Variants in DUXA observed in about 807,000 individuals in gnomAD.
The protein encoded by DUXA is double homeobox protein A.
Under a neutral mutation model 27.5 loss-of-function variants are expected in DUXA, and 25 were observed. That is an observed-to-expected ratio of 0.91 (90% CI 0.66 to 1.27). The LOEUF is 1.27. Ranked by LOEUF, DUXA falls within the 50% of genes most tolerant of loss-of-function variation. DUXA has a pLI of 0.00. For missense variants in DUXA, 247 were observed against 242.9 expected, an observed-to-expected ratio of 1.02 and a Z score of -0.11; for synonymous variants, 90 against 80.5, an observed-to-expected ratio of 1.12 and a Z score of -0.63.
chr19:57,154,765 G>A (rs10422082), intron 5 of DUXA, among the ~76,000 whole-genome samples: 33,319 of 151,696 alleles, frequency 0.22, 4,385 homozygotes, highest in African/African-American at 0.36. Context: ...GGGTTTCACC[G>A]TGTTAGCCAG....
chr19:57,158,663 C>T (rs891983279), intron 3 of DUXA, among the ~76,000 whole-genome samples, 190 bp from the exon 4 acceptor site: 1 of 152,080 alleles, frequency 6.6e-6, no homozygotes, highest in Non-Finnish European at 1.5e-5. Context: ...GATGATATGT[C>T]TGGGCTTCTG....
chr19:57,154,683 C>T (rs1471675439), intron 5 of DUXA, among the ~76,000 whole-genome samples: 3 of 151,976 alleles, frequency 2.0e-5, no homozygotes, highest in Non-Finnish European at 4.4e-5. Flanking sequence ...CCTGCCTCAG[C>T]CTCCCGAGTA....
chr19:57,160,859 G>C, intron 1 of DUXA, 62 bp from the exon 2 acceptor site: 2 of 1,571,988 alleles, frequency 1.3e-6, no homozygotes, highest in Non-Finnish European at 1.7e-6. Flanking sequence ...CAAACTTCAG[G>C]TTCAAGCTAG....
At position 57,154,814 on chromosome 19, in the gene DUXA, C is replaced by T. The variant is rs919948455; in HGVS notation, c.545-332G>A. On this transcript the variant is annotated intron_variant, in intron 5 of 5. Transcript: ENST00000554048. Reference sequence around the variant, plus strand: ...TCCTGACCTCGTGATCCGCCCACCTCGGCCTCCCAAAGTGCTGGGATTACA... The same window carrying T: ...TCCTGACCTCGTGATCCGCCCACCTTGGCCTCCCAAAGTGCTGGGATTACA... Among the ~76,000 whole-genome samples the T allele has an allele frequency of 9.9e-5, 15 of 152,192 alleles. No homozygotes were observed. In the South Asian group the frequency reaches 1.5e-3, roughly 15 times the overall value.
intron 1 of DUXA, among the ~76,000 whole-genome samples, chr19:57,161,425 C>T (rs950612550): frequency 2.3e-4 from 34 of 148,812 alleles, no homozygotes; most frequent in East Asian, 3.9e-4. Context: ...AGATCGAGAC[C>T]ATCCTGGCTA....
chr19:57,159,524 T>C (rs1192462174), intron 2 of DUXA, among the ~76,000 whole-genome samples: 1 of 151,942 alleles, frequency 6.6e-6, no homozygotes, highest in Non-Finnish European at 1.5e-5. Context: ...AGTATTCTCC[T>C]GGCTCAGACT....
chr19:57,167,460 G>A lies in DUXA; in HGVS notation c.-17C>T, dbSNP rs1366394761. On this transcript the variant is annotated 5_prime_UTR_variant, in exon 1 of 6. Transcript: ENST00000554048. Reference sequence around the variant, plus strand: ...TTCGGCCATGCTGGAAGAGAGTCCTGAAGGCTGAGCCACTGTCTGGGAGAC... The same window carrying A: ...TTCGGCCATGCTGGAAGAGAGTCCTAAAGGCTGAGCCACTGTCTGGGAGAC... 1 of 1,613,084 alleles carries A rather than the reference G, an allele frequency of 6.2e-7. No individual in the cohort carries two copies. Among genetic ancestry groups the A allele is most frequent in the Admixed American group, 1.7e-5 (1 of 59,764 alleles).
intron 1 of DUXA, among the ~76,000 whole-genome samples, chr19:57,165,324 A>T (rs79020159): frequency 0.35 from 30,898 of 87,192 alleles, 5,181 homozygotes; most frequent in African/African-American, 0.45. Context: ...AAAAAAAAAA[A>T]ATATATATAT....
intron 4 of DUXA, among the ~76,000 whole-genome samples, chr19:57,156,360 A>G (rs2086993029): frequency 1.3e-5 from 2 of 152,196 alleles, no homozygotes; most frequent in African/African-American, 4.8e-5. Flanking sequence ...AGCAGTTCAT[A>G]TATACTTGTA....
chr19:57,155,646 AAGAT>A (rs35512413), intron 4 of DUXA, among the ~76,000 whole-genome samples: 16 of 144,120 alleles, frequency 1.1e-4, no homozygotes, highest in East Asian at 6.3e-4. Context: ...TGCCCAACCC[AAGAT>A]AGATAGATAG....
intron 2 of DUXA, 29 bp from the exon 3 acceptor site, chr19:57,159,307 T>A (rs750965141): frequency 2.9e-5 from 47 of 1,593,902 alleles, no homozygotes; most frequent in Middle Eastern, 3.3e-4. Context: ...AGGAGAGAAT[T>A]ACGTGTTAAT....
At position 57,159,107 on chromosome 19, in the gene DUXA, C is replaced by T. The variant is rs571197043; in HGVS notation, c.292+60G>A. 1,497 of 1,442,892 alleles carry T rather than the reference C, an allele frequency of 1.0e-3. 2 individuals are homozygous for T. Among genetic ancestry groups the T allele is most frequent in the Non-Finnish European group, 1.3e-3 (1,399 of 1,048,458 alleles). 89.4% of individuals were successfully genotyped at this position (1,442,892 alleles called of 1,614,324 possible). A position where few individuals can be genotyped will look rare whatever the true frequency, so the allele number is the denominator to read the frequency against. On this transcript the variant is annotated intron_variant, in intron 3 of 5. Transcript: ENST00000554048. Reference sequence around the variant, plus strand: ...GGAGGAGACATTCTTTTTTCAAAGTCGCAGTTGGCTCCGCCGTAGAGAAGC... The same window carrying T: ...GGAGGAGACATTCTTTTTTCAAAGTTGCAGTTGGCTCCGCCGTAGAGAAGC...
At chr19:57,158,036 C>T (rs981455539) in intron 4 of DUXA, among the ~76,000 whole-genome samples, 2 of 151,804 alleles carry the variant, frequency 1.3e-5, no homozygotes, top group African/African-American at 4.8e-5. Flanking sequence ...GGCTTATATG[C>T]AATGTTAACT....
chr19:57,166,165 A>G (rs911317672), intron 1 of DUXA, among the ~76,000 whole-genome samples: 6 of 152,184 alleles, frequency 3.9e-5, no homozygotes, highest in Non-Finnish European at 8.8e-5. Context: ...CAAGGAGGCC[A>G]GAACATCTGA....
intron 1 of DUXA, among the ~76,000 whole-genome samples, chr19:57,165,101 CT>C (rs2087044597): frequency 6.6e-6 from 1 of 151,888 alleles, no homozygotes; most frequent in African/African-American, 2.4e-5. Flanking sequence ...ACAGGCCATA[CT>C]TTGAAAACAA....
At position 57,155,022 on chromosome 19, in the gene DUXA, A is replaced by G. The variant is rs2086985365; in HGVS notation, c.544+245T>C. 2.0e-5 allele frequency among the ~76,000 whole-genome samples: 3 copies of G among 152,230 alleles called. No homozygotes were observed. The South Asian group carries it at 6.2e-4, about 31-fold the overall frequency. On this transcript the variant is annotated intron_variant, in intron 5 of 5. Transcript: ENST00000554048. The stretch of plus-strand genomic sequence containing the variant: ...TTCCTTTGTACCAGGCACTGGGGAT[A>G]CAACAGTGAATTTGTATCCATGGGG...
At chr19:57,160,915 A>C in intron 1 of DUXA, 118 bp from the exon 2 acceptor site, 1 of 1,147,868 alleles carries the variant, frequency 8.7e-7, no homozygotes, top group East Asian at 2.4e-5. Context: ...ACTCCAGGAG[A>C]ACTACCCTCA....
In DUXA at chr19:57,155,467, A is replaced by T. The variant is rs148714420; in HGVS notation, c.439-95T>A. ...TCTTTTTTCTTTTCTGTTTTTTGAG[A>T]CAGCGGTCTCTCTCAGAGTAGCTAG... On this transcript the variant is annotated intron_variant, in intron 4 of 5. Coordinates refer to ENST00000554048, the MANE Select transcript of DUXA (RefSeq NM_001012729.2). 236 of 1,007,482 alleles carry T rather than the reference A, an allele frequency of 2.3e-4. No homozygotes were observed. The African/African-American group carries it at 3.6e-3, about 16-fold the overall frequency. The allele number at this position is 1,007,482 out of a possible 1,614,324, so 62.4% of individuals were successfully genotyped here.
intron 1 of DUXA, among the ~76,000 whole-genome samples, chr19:57,165,821 AG>A (rs978284033): frequency 6.7e-6 from 1 of 148,800 alleles, no homozygotes; most frequent in African/African-American, 2.5e-5. Flanking sequence ...AAAAAAAAAA[AG>A]CCAGACCCTA....
Sources: gnomAD v4.1 joint callset for allele counts (sites outside exome capture counted in the v4.1 genomes callset) on GRCh38, gnomAD v4.1.1 for gene constraint, MANE v1.5 for transcripts, NCBI Gene and HGNC (gene_info 2026-07-23, HGNC 2026-07-21) for gene names.